Variants in ZNF17 observed in about 807,000 individuals in gnomAD.
ZNF17 encodes the protein zinc finger protein 17 (HPF3, KOX 10).
Under a neutral mutation model 7.7 loss-of-function variants are expected in ZNF17, and 4 were observed. That is an observed-to-expected ratio of 0.52 (90% CI 0.26 to 1.20). The LOEUF (loss-of-function observed/expected upper bound fraction) is 1.20. ZNF17 is among the 50% of genes most tolerant of loss of function. The pLI, the probability that ZNF17 is intolerant of heterozygous loss-of-function variation, is 0.14. For missense variants in ZNF17, 738 were observed against 799.5 expected (o/e 0.92, Z 0.93); for synonymous variants, 249 against 258.8 (o/e 0.96, Z 0.36).
chr19:57,412,523 C>T (rs985458168), intron 1 of ZNF17, among the ~76,000 whole-genome samples: 6 of 151,498 alleles, frequency 4.0e-5, no homozygotes, highest in Non-Finnish European at 5.9e-5. Flanking sequence ...CGGCTCACTG[C>T]AAGCTCCGCC....
chr19:57,417,999 G>C lies in ZNF17; in HGVS notation c.109G>C (p.Asp37His). Reference protein sequence around the residue: ...LNDVQRHLHSDVMLENFALLS... With the variant: ...LNDVQRHLHSHVMLENFALLS... ...TGACGTTCAGAGACACCTGCACAGC[G>C]ATGTGATGCTGGAGAACTTTGCACT... Residue 37 changes from aspartate to histidine, a missense_variant, in exon 3 of 4, where the codon GAT (aspartate) becomes CAT (histidine). This residue lies in a region of ZNF17 where 616 missense variants were observed against 663.9 expected (regional missense o/e 0.93). Coordinates refer to ENST00000307658, the MANE Select transcript of ZNF17 (RefSeq NM_001330617.2). 6.2e-7 allele frequency: 1 copy of C among 1,614,124 alleles called. No homozygotes were observed.
rs374690810 is a variant in ZNF17 at position 57,420,611 on chromosome 19, C to G, written c.1125C>G (p.Leu375=). ...CGKFFMDSCT[L]IIHQRVHTGE... ...AATTCTTTATGGACAGCTGCACACT[C>G]ATTATTCACCAGAGAGTTCATACTG... The change falls in exon 4 of 4, where the codon CTC becomes CTG. Residue 375 remains leucine, a synonymous_variant. Transcript: ENST00000307658. The G allele has an allele frequency of 6.2e-7, 1 of 1,613,744 alleles. No individual in the cohort carries two copies. The highest frequency in any genetic ancestry group is 1.3e-5 in the African/African-American group (1 of 74,830).
Position 57,419,855 on chromosome 19 carries a change from TAGAG to T in ZNF17, c.373_376del (p.Glu125SerfsTer13). On this transcript the variant is annotated frameshift_variant, in exon 4 of 4. Coordinates refer to ENST00000307658, the MANE Select transcript of ZNF17 (RefSeq NM_001330617.2). LOFTEE classifies it low-confidence loss of function (END_TRUNC). Reference sequence around the variant, plus strand: ...TTTACCTGCACCAAAAGGAGCATCTTAGAGAGAAGCTCACCAGAAGTGATGAAGG... The same window carrying T: ...TTTACCTGCACCAAAAGGAGCATCTTAGAAGCTCACCAGAAGTGATGAAGG... 1.2e-6 allele frequency: 2 copies of T among 1,614,194 alleles called. No homozygotes were observed. The highest frequency in any genetic ancestry group is 4.5e-5 in the East Asian group (2 of 44,882).
In ZNF17 at chr19:57,419,850, C is replaced by A; in HGVS notation, c.364C>A (p.His122Asn). 6.2e-7 allele frequency: 1 copy of A among 1,614,214 alleles called. No homozygotes were observed. The highest frequency in any genetic ancestry group is 8.5e-7 in the Non-Finnish European group (1 of 1,180,032). ...CAAGCTTTACCTGCACCAAAAGGAG[C>A]ATCTTAGAGAGAAGCTCACCAGAAG... is the stretch of plus-strand genomic sequence containing the variant. ...TAKLYLHQKE[H>N]LREKLTRSDE... Residue 122 changes from histidine to asparagine, a missense_variant, in exon 4 of 4, where the codon CAT becomes AAT. His to Asn is a moderately conservative substitution (Grantham distance 68, BLOSUM62 1). Transcript: ENST00000307658.
chr19:57,416,144 C>T (rs780426377), intron 2 of ZNF17, among the ~76,000 whole-genome samples: 2 of 152,058 alleles, frequency 1.3e-5, no homozygotes, highest in African/African-American at 2.4e-5. Flanking sequence ...GGTTGGGAGA[C>T]GTTCAAAGCA....
At position 57,421,573 on chromosome 19, in the gene ZNF17, T is replaced by C. The variant is rs898483427; in HGVS notation, c.*92T>C. 3.7e-6 allele frequency: 5 copies of C among 1,346,640 alleles called. No homozygotes were observed. In the African/African-American group the frequency reaches 7.4e-5, roughly 20 times the overall value. 83.4% of individuals were successfully genotyped at this position (1,346,640 alleles called of 1,614,324 possible). A position where few individuals can be genotyped will look rare whatever the true frequency, so the allele number is the denominator to read the frequency against. On this transcript the variant is annotated 3_prime_UTR_variant, in exon 4 of 4. Coordinates refer to ENST00000307658, the MANE Select transcript of ZNF17 (RefSeq NM_001330617.2). ...ACCTACGTTTTAAAAAAAGTATTCT[T>C]GTAGAATACAGATAACATAAAATCT...
At chr19:57,419,122 C>G (rs2088830718) in intron 3 of ZNF17, 1 of 154,408 alleles carries the variant, frequency 6.5e-6, no homozygotes, top group African/African-American at 2.4e-5. Flanking sequence ...CTCAGCTGAT[C>G]CGCCTGCCTT....
At chr19:57,411,988 A>G (rs998052622) in intron 1 of ZNF17, among the ~76,000 whole-genome samples, 14 of 152,208 alleles carry the variant, frequency 9.2e-5, no homozygotes, top group Admixed American at 1.3e-4. Flanking sequence ...TGGAGAAGTC[A>G]GCTTAGGGAG....
In ZNF17 at chr19:57,411,241, C is replaced by A; in HGVS notation, c.-186C>A. ...CTGAGTCGAGACTGAGGTGAAAAAG[C>A]GGAAAAACGCGAGAAAAGGTTTCCC... is the stretch of plus-strand genomic sequence containing the variant. On this transcript the variant is annotated 5_prime_UTR_variant, in exon 1 of 4. Coordinates refer to ENST00000307658, the MANE Select transcript of ZNF17 (RefSeq NM_001330617.2). 1.7e-6 allele frequency: 2 copies of A among 1,154,850 alleles called. No individual in the cohort carries two copies. Among genetic ancestry groups the A allele is most frequent in the Non-Finnish European group, 2.4e-6 (2 of 831,834 alleles). The allele number at this position is 1,154,850 out of a possible 1,614,324, so 71.5% of individuals were successfully genotyped here.
intron 1 of ZNF17, among the ~76,000 whole-genome samples, chr19:57,412,433 A>G (rs1469112780): frequency 7.0e-6 from 1 of 143,152 alleles, no homozygotes; most frequent in African/African-American, 2.6e-5. Flanking sequence ...TTATTTATTT[A>G]TGAATGTGTA....
chr19:57,414,536 T>C (rs1382944800), intron 2 of ZNF17, among the ~76,000 whole-genome samples: 2 of 151,574 alleles, frequency 1.3e-5, no homozygotes, highest in African/African-American at 4.9e-5. Flanking sequence ...GATTTCACCA[T>C]GTTGGCCAGG....
intron 1 of ZNF17, 125 bp from the exon 2 acceptor site, chr19:57,413,471 C>A: frequency 1.1e-6 from 1 of 948,850 alleles, no homozygotes; most frequent in Non-Finnish European, 1.6e-6. Flanking sequence ...GACACTGAAC[C>A]CTGAGGACTT....
rs2023761 is a variant in ZNF17 at position 57,421,635 on chromosome 19, T to C, written c.*154T>C. ...CATGTTAAAGTGTATAGTTCAGTAC[T>C]GTTAAGTCATTCACATTGTGCAATG... On this transcript the variant is annotated 3_prime_UTR_variant, in exon 4 of 4. Coordinates refer to ENST00000307658, the MANE Select transcript of ZNF17 (RefSeq NM_001330617.2). The C allele has an allele frequency of 0.94, 750,321 of 801,936 alleles. 351,314 individuals carry two copies. The highest frequency in any genetic ancestry group is 0.97 in the African/African-American group (55,926 of 57,550). The allele number at this position is 801,936 out of a possible 1,614,324, so 49.7% of individuals were successfully genotyped here. A position where few individuals can be genotyped will look rare whatever the true frequency, so the allele number is the denominator to read the frequency against.
chr19:57,413,674 A>G, intron 2 of ZNF17, 38 bp downstream of exon 2: 1 of 1,535,606 alleles, frequency 6.5e-7, no homozygotes, highest in Admixed American at 2.0e-5. Context: ...CCCATCCCAG[A>G]TGGTTTCAGC....
intron 1 of ZNF17, chr19:57,411,769 C>A (rs2088778600): frequency 2.3e-6 from 2 of 883,036 alleles, no homozygotes; most frequent in Non-Finnish European, 2.8e-6. Context: ...GATGTTAAAC[C>A]AGGACAAGGG....
chr19:57,420,861 C>A lies in ZNF17; in HGVS notation c.1375C>A (p.Leu459Met). The change falls in exon 4 of 4, where the codon CTG (leucine) becomes ATG (methionine). Residue 459 changes from leucine to methionine, a missense_variant. Physicochemically the swap from Leu to Met is conservative, Grantham distance 15 (BLOSUM62 2). Coordinates refer to ENST00000307658, the MANE Select transcript of ZNF17 (RefSeq NM_001330617.2). Reference sequence around the variant, plus strand: ...GAAATTCTTTAGGTATTGCTTCACACTGAATAGACATCAGAGAGTTCACTC... The same window carrying A: ...GAAATTCTTTAGGTATTGCTTCACAATGAATAGACATCAGAGAGTTCACTC... ...CGKFFRYCFT[L>M]NRHQRVHSGE... 6.2e-7 allele frequency: 1 copy of A among 1,614,174 alleles called. No homozygotes were observed. Among genetic ancestry groups the A allele is most frequent in the South Asian group, 1.1e-5 (1 of 91,088 alleles).
rs756052888 is a variant in ZNF17, at chr19:57,421,024, C to T, written c.1538C>T (p.Ser513Phe). 5 of 1,614,046 alleles carry T rather than the reference C, an allele frequency of 3.1e-6. No individual in the cohort carries two copies. In the South Asian group the frequency reaches 5.5e-5, roughly 18 times the overall value. ...TGTGGGAAATCCTTTAGATGTCGCT[C>T]CACACTTGATACACATCAGAGAATT... The part of the protein sequence containing the change: ...SICGKSFRCR[S>F]TLDTHQRIHT... The change falls in exon 4 of 4, where the codon TCC (serine) becomes TTC (phenylalanine). Residue 513 changes from serine to phenylalanine, a missense_variant. Transcript: ENST00000307658.
In ZNF17 at chr19:57,420,372, A is replaced by T. The variant is rs754322172; in HGVS notation, c.886A>T (p.Arg296Trp). The T allele has an allele frequency of 3.7e-5, 60 of 1,614,046 alleles. No individual in the cohort carries two copies. The highest frequency in any genetic ancestry group is 4.7e-5 in the Non-Finnish European group (55 of 1,180,026). ...AAAGTCTCACCTACTTCAGCACCAG[A>T]GGATTCACACCAGGCCAAGGCCTTA... ...LRKSHLLQHQ[R>W]IHTRPRPYVC... The change falls in exon 4 of 4, where the codon AGG (arginine) becomes TGG (tryptophan). Residue 296 changes from arginine to tryptophan, a missense_variant. Arg to Trp is a moderately radical substitution (Grantham distance 101, BLOSUM62 -3). Transcript: ENST00000307658.
chr19:57,420,088 T>C lies in ZNF17; in HGVS notation c.602T>C (p.Phe201Ser), dbSNP rs1354167079. 6.2e-7 allele frequency: 1 copy of C among 1,614,166 alleles called. No individual in the cohort carries two copies. The highest frequency in any genetic ancestry group is 8.5e-7 in the Non-Finnish European group (1 of 1,180,036). The change falls in exon 4 of 4, where the codon TTT becomes TCT. Residue 201 changes from phenylalanine to serine, a missense_variant. This residue lies in a region of ZNF17 where 616 missense variants were observed against 663.9 expected (regional missense o/e 0.93). Coordinates refer to ENST00000307658, the MANE Select transcript of ZNF17 (RefSeq NM_001330617.2). ...NYSCTQCGKDFCHQHTLFEHQ... is the reference protein window; with the variant it reads ...NYSCTQCGKDSCHQHTLFEHQ... ...AGCTGCACCCAATGTGGGAAAGACT[T>C]TTGCCACCAACATACACTGTTTGAG... is the stretch of plus-strand genomic sequence containing the variant.
Sources: allele counts gnomAD v4.1 joint callset (sites outside exome capture counted in the v4.1 genomes callset), GRCh38; gene constraint gnomAD v4.1.1; regional missense constraint gnomAD v4.1.1; transcripts MANE v1.5; gene names NCBI Gene and HGNC (gene_info 2026-07-23, HGNC 2026-07-21).